ZSWIM5: variants seen among roughly 807,000 people sequenced by gnomAD.
The protein encoded by ZSWIM5 is zinc finger SWIM domain-containing protein 5.
ZSWIM5 carries 55 observed loss-of-function variants against 119.6 expected under a neutral mutation model. That is an observed-to-expected ratio of 0.46 (90% CI 0.37 to 0.58). The LOEUF (loss-of-function observed/expected upper bound fraction) is 0.58, where lower values mean the gene tolerates loss of function less well. Among genes scored for constraint, ZSWIM5 ranks in the 20% least tolerant of loss-of-function variants. The pLI, the probability that ZSWIM5 is intolerant of heterozygous loss-of-function variation, is 0.00. For synonymous variants in ZSWIM5, 537 were observed against 606.9 expected (o/e 0.88, Z 1.69); for missense variants, 1,193 against 1,512.8 (o/e 0.79, Z 3.51).
intron 1 of ZSWIM5, among the ~76,000 whole-genome samples, chr1:45,123,961 T>C (rs1645606995): frequency 6.6e-6 from 1 of 151,916 alleles, no homozygotes; most frequent in Non-Finnish European, 1.5e-5. Context: ...CCAGAAGAAA[T>C]AACACAGTTT....
At chr1:45,035,100 A>G (rs990890164) in intron 10 of ZSWIM5, among the ~76,000 whole-genome samples, 1 of 152,122 alleles carries the variant, frequency 6.6e-6, no homozygotes. Flanking sequence ...GTTATTTCTA[A>G]AAGTATAAGA....
At chr1:45,045,544 T>C (rs1275090807) in intron 5 of ZSWIM5, among the ~76,000 whole-genome samples, 4 of 152,166 alleles carry the variant, frequency 2.6e-5, no homozygotes, top group African/African-American at 9.7e-5. Context: ...AGAGTAGCAC[T>C]GACAGTATTT....
At position 45,039,171 on chromosome 1, in the gene ZSWIM5, G is replaced by A. The variant is rs191321755; in HGVS notation, c.1757-98C>T. ...TATCAGTCTCTCCAGCCTTGACCCT[G>A]AGAGTCAAATAAAAGCTTCTCTATT... On this transcript the variant is annotated intron_variant, in intron 7 of 13. Transcript: ENST00000359600. 14 of 1,418,570 alleles carry A rather than the reference G, an allele frequency of 9.9e-6. 1 individual carries two copies. In the South Asian group the frequency reaches 1.5e-4, roughly 16 times the overall value. 87.9% of individuals were successfully genotyped at this position (1,418,570 alleles called of 1,614,324 possible).
Position 45,058,625 on chromosome 1 carries a change from C to G in ZSWIM5, c.1236G>C (p.Gln412His). 1 of 1,614,232 alleles carries G rather than the reference C, an allele frequency of 6.2e-7. No homozygotes were observed. Among genetic ancestry groups the G allele is most frequent in the East Asian group, 2.2e-5 (1 of 44,886 alleles). ...GGAACTTACCTAGCTCATCCCAGAG[C>G]TGCCTGCACTTGTCTGTCATGTTTG... Reference protein sequence around the residue: ...QGTNMTDKCRQLWDELGALWV... With the variant: ...QGTNMTDKCRHLWDELGALWV... The change falls in exon 4 of 14, where the codon CAG (glutamine) becomes CAC (histidine). Residue 412 changes from glutamine to histidine, a missense_variant. Around this residue, in one of 2 missense-constraint regions of ZSWIM5, gnomAD observed 961 missense variants for 1,290.0 expected, o/e 0.74. Coordinates refer to ENST00000359600, the MANE Select transcript of ZSWIM5 (RefSeq NM_020883.2).
chr1:45,074,948 T>C (rs1645247703), intron 2 of ZSWIM5, among the ~76,000 whole-genome samples: 1 of 152,008 alleles, frequency 6.6e-6, no homozygotes. Context: ...AATTTTCAAT[T>C]TCCTCTTAAT....
intron 1 of ZSWIM5, among the ~76,000 whole-genome samples, chr1:45,161,384 A>T (rs1488533484): frequency 6.6e-6 from 1 of 152,148 alleles, no homozygotes; most frequent in Non-Finnish European, 1.5e-5. Context: ...AGTGTGTAAG[A>T]GTTACCTTCT....
At chr1:45,136,670 A>C (rs991394371) in intron 1 of ZSWIM5, among the ~76,000 whole-genome samples, 1 of 152,174 alleles carries the variant, frequency 6.6e-6, no homozygotes, top group Admixed American at 6.5e-5. Context: ...GGAACACGTT[A>C]CCTTCCTCCA....
intron 2 of ZSWIM5, chr1:45,070,528 T>A: frequency 1.7e-6 from 1 of 582,624 alleles, no homozygotes; most frequent in South Asian, 2.6e-5. Flanking sequence ...ATATTCATGA[T>A]TTTTTTCTGT....
intron 2 of ZSWIM5, among the ~76,000 whole-genome samples, chr1:45,075,388 G>A (rs1427340763): frequency 6.6e-6 from 1 of 152,140 alleles, no homozygotes; most frequent in Non-Finnish European, 1.5e-5. Context: ...GGGTGCTCCA[G>A]TGTTGGGTGT....
At chr1:45,143,538 CA>C (rs1255457535) in intron 1 of ZSWIM5, among the ~76,000 whole-genome samples, 2 of 152,102 alleles carry the variant, frequency 1.3e-5, no homozygotes, top group Non-Finnish European at 2.9e-5. Context: ...AGGGTATCTA[CA>C]AAAATCCTCC....
At chr1:45,047,919 T>C (rs919399893) in intron 5 of ZSWIM5, among the ~76,000 whole-genome samples, 8 of 152,066 alleles carry the variant, frequency 5.3e-5, no homozygotes, top group Non-Finnish European at 8.8e-5. Flanking sequence ...AATAGTAATT[T>C]ATAAGAGTGA....
At chr1:45,194,663 G>A (rs1646111548) in intron 1 of ZSWIM5, among the ~76,000 whole-genome samples, 1 of 152,034 alleles carries the variant, frequency 6.6e-6, no homozygotes, top group African/African-American at 2.4e-5. Context: ...GGATCACGAG[G>A]TCAGGAGATC....
intron 1 of ZSWIM5, among the ~76,000 whole-genome samples, chr1:45,190,850 G>A (rs1646087069): frequency 6.9e-6 from 1 of 145,526 alleles, no homozygotes; most frequent in African/African-American, 2.5e-5. Flanking sequence ...CCTGATAAAA[G>A]CTCAGCCAAC....
chr1:45,079,520 A>G (rs182716028), intron 2 of ZSWIM5, among the ~76,000 whole-genome samples: 108 of 152,040 alleles, frequency 7.1e-4, no homozygotes, highest in Middle Eastern at 3.4e-3. Context: ...AGGGCAGTGC[A>G]CTCCCCAGTG....
At chr1:45,029,753 T>C (rs1259466459) in intron 11 of ZSWIM5, among the ~76,000 whole-genome samples, 1 of 152,238 alleles carries the variant, frequency 6.6e-6, no homozygotes, top group Non-Finnish European at 1.5e-5. Flanking sequence ...TCACTCATGT[T>C]GTACCATGTA....
chr1:45,168,439 C>T (rs1216030568), intron 1 of ZSWIM5, among the ~76,000 whole-genome samples: 1 of 151,676 alleles, frequency 6.6e-6, no homozygotes, highest in Non-Finnish European at 1.5e-5. Context: ...ATGTAACAAA[C>T]TTGCATGTTG....
Position 45,206,324 on chromosome 1 carries a change from C to G in ZSWIM5, c.27G>C (p.Glu9Asp). 2 of 1,505,360 alleles carry G rather than the reference C, an allele frequency of 1.3e-6. No individual in the cohort carries two copies. The highest frequency in any genetic ancestry group is 1.8e-6 in the Non-Finnish European group (2 of 1,126,454). 93.3% of individuals were successfully genotyped at this position (1,505,360 alleles called of 1,614,324 possible). A position where few individuals can be genotyped will look rare whatever the true frequency, so the allele number is the denominator to read the frequency against. The change falls in exon 1 of 14, where the codon GAG (glutamate) becomes GAC (aspartate). Residue 9 changes from glutamate to aspartate, a missense_variant. Transcript: ENST00000359600. MADGGERE[E>D]LLSPSPVSPA... ...GAGAGACCGGTGACGGCGAGAGCAG[C>G]TCCTCTCGCTCACCTCCGTCCGCCA...
chr1:45,138,047 C>A (rs1645700347), intron 1 of ZSWIM5, among the ~76,000 whole-genome samples: 1 of 152,136 alleles, frequency 6.6e-6, no homozygotes, highest in Non-Finnish European at 1.5e-5. Flanking sequence ...TCTTACCAAT[C>A]TCATTTCTAT....
At chr1:45,062,603 T>C (rs1645159454) in intron 2 of ZSWIM5, among the ~76,000 whole-genome samples, 1 of 152,112 alleles carries the variant, frequency 6.6e-6, no homozygotes, top group African/African-American at 2.4e-5. Flanking sequence ...TGCGCTCAAG[T>C]GATCCTACCA....
Sources: gnomAD v4.1 joint callset for allele counts (sites outside exome capture counted in the v4.1 genomes callset) on GRCh38, gnomAD v4.1.1 for gene constraint, gnomAD v4.1.1 regional missense constraint, MANE v1.5 for transcripts, NCBI Gene and HGNC (gene_info 2026-07-23, HGNC 2026-07-21) for gene names.